The following HEXB variants were observed in gnomAD, a reference collection of about 807,000 sequenced individuals.
HEXB encodes hexosaminidase subunit beta.
In HEXB, 51 loss-of-function variants were observed where a neutral mutation model predicts 71.2. That is an observed-to-expected ratio of 0.72 (90% CI 0.57 to 0.90). The LOEUF (loss-of-function observed/expected upper bound fraction) is 0.90. Ranked by LOEUF, HEXB falls within the 40% of genes least tolerant of loss-of-function variation. HEXB has a pLI of 0.00. For missense variants in HEXB, 617 were observed against 677.0 expected, an observed-to-expected ratio of 0.91 and a Z score of 0.98; for synonymous variants, 266 against 249.3, an observed-to-expected ratio of 1.07 and a Z score of -0.63.
chr5:74,698,218 C>T lies in HEXB; in HGVS notation c.669+1112C>T, dbSNP rs192598365. 3.2e-3 allele frequency among the ~76,000 whole-genome samples: 490 copies of T among 151,626 alleles called. 4 individuals carry two copies. Among genetic ancestry groups the T allele is most frequent in the African/African-American group, 0.011 (467 of 41,398 alleles). ...TCAGCCTCCTGAGTAGCTGGGACTA[C>T]AGGCATGCACCACCACGCCCAGCTA... On this transcript the variant is annotated intron_variant, in intron 5 of 13. Transcript: ENST00000261416.
At chr5:74,705,178 G>A in intron 5 of HEXB, 41 bp from the exon 6 acceptor site, 2 of 1,064,116 alleles carry the variant, frequency 1.9e-6, no homozygotes, top group Non-Finnish European at 2.9e-6. Context: ...GATTGTATAT[G>A]ATATCTGCAG....
intron 1 of HEXB, among the ~76,000 whole-genome samples, chr5:74,654,131 C>T (rs1748173617): frequency 6.6e-6 from 1 of 152,178 alleles, no homozygotes; most frequent in South Asian, 2.1e-4. Flanking sequence ...AGCCAGCTCA[C>T]ACTAGGTGCT....
chr5:74,703,773 C>T (rs1244441434), intron 5 of HEXB, among the ~76,000 whole-genome samples: 5 of 152,128 alleles, frequency 3.3e-5, no homozygotes, highest in Non-Finnish European at 7.3e-5. Flanking sequence ...TCAAGCAATC[C>T]TCCCACCTCA....
intron 1 of HEXB, among the ~76,000 whole-genome samples, chr5:74,664,769 C>T (rs1474905217): frequency 6.6e-6 from 1 of 152,016 alleles, no homozygotes; most frequent in African/African-American, 2.4e-5. Context: ...TCCAGCTCAT[C>T]GTCCAAGTTA....
At chr5:74,684,635 G>A (rs922749398), upstream of HEXB, among the ~76,000 whole-genome samples, 1 of 151,526 alleles carries the variant, frequency 6.6e-6, no homozygotes, top group East Asian at 1.9e-4. Context: ...TCGGCCTGGC[G>A]TCCCGAGCCT....
At position 74,697,093 on chromosome 5, in the gene HEXB, T is replaced by A; in HGVS notation, c.656T>A (p.Ile219Asn). The A allele has an allele frequency of 7.0e-7, 1 of 1,436,244 alleles. No individual in the cohort carries two copies. The highest frequency in any genetic ancestry group is 9.8e-7 in the Non-Finnish European group (1 of 1,018,402). 89.0% of individuals were successfully genotyped at this position (1,436,244 alleles called of 1,614,324 possible). The change falls in exon 5 of 14, where the codon ATT becomes AAT. Residue 219 changes from isoleucine to asparagine, a missense_variant. Transcript: ENST00000261416. ...AGACATTATCTGCCAGTTAAGATTA[T>A]TCTTAAAACTCTGGTAAGTAATTAC... ...TSRHYLPVKI[I>N]LKTLDAMAFN...
At chr5:74,675,422 A>C (rs1748613453) in intron 1 of HEXB, among the ~76,000 whole-genome samples, 1 of 152,196 alleles carries the variant, frequency 6.6e-6, no homozygotes, top group Non-Finnish European at 1.5e-5. Flanking sequence ...AAGTTTGGTC[A>C]AGAGAGGGTC....
rs943472189 is a variant in HEXB at position 74,652,005 on chromosome 5, C to T, written c.-377+11447C>T. Reference sequence around the variant, plus strand: ...TTTGCCAGCTCTGTGTAAAACTACTCTTATGCCAGACAAACTAGGACGTGT... The same window carrying T: ...TTTGCCAGCTCTGTGTAAAACTACTTTTATGCCAGACAAACTAGGACGTGT... On this transcript the variant is annotated intron_variant, in intron 1 of 13. Coordinates refer to the HEXB transcript ENST00000511181. This position sits in a 1 kb window ranked among gnomAD's most constrained non-coding sequence, Gnocchi z 5.4. 1.1e-4 allele frequency among the ~76,000 whole-genome samples: 17 copies of T among 152,216 alleles called. No individual in the cohort carries two copies. The highest frequency in any genetic ancestry group is 4.1e-4 in the African/African-American group (17 of 41,460).
At chr5:74,681,518 A>G (rs988569075), upstream of HEXB, among the ~76,000 whole-genome samples, 3 of 152,196 alleles carry the variant, frequency 2.0e-5, no homozygotes, top group Non-Finnish European at 4.4e-5. Context: ...GCCCAAGCCC[A>G]AGTCCACCCT....
At chr5:74,661,543 GTGTGTGTGTGTGTGTGTGTGTCTCTC>G (rs1319034649) in intron 1 of HEXB, among the ~76,000 whole-genome samples, 1 of 139,424 alleles carries the variant, frequency 7.2e-6, no homozygotes, top group Admixed American at 6.9e-5. Context: ...GTGTGTGTGT[GTGTGTGTGTGTGTGTGTGTGTCTCTC>G]TCTCTCTCTC....
chr5:74,651,018 A>C (rs1053712192), intron 1 of HEXB, among the ~76,000 whole-genome samples: 1 of 152,078 alleles, frequency 6.6e-6, no homozygotes, highest in Non-Finnish European at 1.5e-5. Flanking sequence ...CAATGATGTA[A>C]TGTTTGGATG....
chr5:74,714,809 TA>T (rs1433574694), intron 7 of HEXB, among the ~76,000 whole-genome samples: 15 of 152,112 alleles, frequency 9.9e-5, no homozygotes, highest in African/African-American at 3.6e-4. Context: ...TAGTGAGAGG[TA>T]AATCTGGAAA....
rs6860453 is a variant in HEXB at position 74,692,082 on chromosome 5, G to A, written c.446-1557G>A. Among the ~76,000 whole-genome samples the A allele has an allele frequency of 5.3e-3, 801 of 152,232 alleles. 11 individuals carry two copies. The highest frequency in any genetic ancestry group is 0.018 in the African/African-American group (764 of 41,526). On this transcript the variant is annotated intron_variant, in intron 2 of 13. Coordinates refer to ENST00000261416, the MANE Select transcript of HEXB (RefSeq NM_000521.4). ...AGAAAATAATTGGTATCAAATATAT[G>A]CAATATATTAATGTTTTTTAGGTGA...
upstream of HEXB, among the ~76,000 whole-genome samples, chr5:74,684,902 C>G (rs1217663658): frequency 2.6e-5 from 4 of 152,114 alleles, no homozygotes; most frequent in Non-Finnish European, 5.9e-5. Context: ...GTCTTGAACT[C>G]CTGACCTCAG....
intron 1 of HEXB, among the ~76,000 whole-genome samples, chr5:74,658,617 C>T (rs1248428746): frequency 6.6e-6 from 1 of 152,066 alleles, no homozygotes; most frequent in Non-Finnish European, 1.5e-5. Context: ...CACTGAGGCT[C>T]AAGTAAGCTT....
intron 6 of HEXB, among the ~76,000 whole-genome samples, chr5:74,711,513 A>G (rs1313684190): frequency 1.3e-5 from 2 of 152,256 alleles, no homozygotes; most frequent in Non-Finnish European, 2.9e-5. Flanking sequence ...ACAATATGGG[A>G]GAAAATTTTC....
At chr5:74,689,510 G>A (rs1561215491) in intron 2 of HEXB, 37 bp downstream of exon 2, 2 of 1,591,368 alleles carry the variant, frequency 1.3e-6, no homozygotes, top group African/African-American at 1.3e-5. Flanking sequence ...TTATATCCCA[G>A]GTGCTCGCTG....
In HEXB at chr5:74,685,549, G is replaced by A. The variant is rs1441401979; in HGVS notation, c.289G>A (p.Ala97Thr). Reference sequence around the variant, plus strand: ...CCCCTCCTGCACCCTGCTGGAGGAAGCGTTTCGACGGTGAGCGCTCCCGGC... The same window carrying A: ...CCCCTCCTGCACCCTGCTGGAGGAAACGTTTCGACGGTGAGCGCTCCCGGC... Reference protein sequence around the residue: ...AGPSCTLLEEAFRRYHGYIFG... With the variant: ...AGPSCTLLEETFRRYHGYIFG... The change falls in exon 1 of 14, where the codon GCG (alanine) becomes ACG (threonine). Residue 97 changes from alanine to threonine, a missense_variant. Transcript: ENST00000261416. 2.6e-6 allele frequency: 4 copies of A among 1,559,072 alleles called. No homozygotes were observed. The highest frequency in any genetic ancestry group is 3.5e-6 in the Non-Finnish European group (4 of 1,155,154).
At chr5:74,704,756 A>G (rs1318803176) in intron 5 of HEXB, among the ~76,000 whole-genome samples, 1 of 152,230 alleles carries the variant, frequency 6.6e-6, no homozygotes, top group Non-Finnish European at 1.5e-5. Context: ...TGAAGTATAT[A>G]TGATGAAGAA....
Sources: allele counts gnomAD v4.1 joint callset (sites outside exome capture counted in the v4.1 genomes callset), GRCh38; gene constraint gnomAD v4.1.1; non-coding constraint Gnocchi (gnomAD v3.1); transcripts MANE v1.5; gene names NCBI Gene and HGNC (gene_info 2026-07-23, HGNC 2026-07-21).